Variants in INO80D observed in about 807,000 individuals in gnomAD.
The protein encoded by INO80D is INO80 complex subunit D.
In INO80D, 21 loss-of-function variants were observed where a neutral mutation model predicts 87.6. The observed-to-expected ratio is 0.24, with a 90% confidence interval of 0.17 to 0.35. The LOEUF is 0.35. Ranked by LOEUF, INO80D falls within the 10% of genes least tolerant of loss-of-function variation. The pLI is 1.00. For missense variants in INO80D, 982 were observed against 1,280.7 expected (o/e 0.77, Z 3.56); for synonymous variants, 440 against 491.0 (o/e 0.90, Z 1.37).
intron 5 of INO80D, among the ~76,000 whole-genome samples, chr2:206,043,225 G>A (rs1324080661): frequency 6.6e-6 from 1 of 151,952 alleles, no homozygotes; most frequent in East Asian, 1.9e-4. Context: ...AGGCTAGGGT[G>A]CAGTGGCACA....
Position 206,028,139 on chromosome 2 carries a change from G to T in INO80D, c.1270C>A (p.Leu424Met). 1.3e-6 allele frequency: 2 copies of T among 1,557,524 alleles called. No individual in the cohort carries two copies. The highest frequency in any genetic ancestry group is 1.7e-6 in the Non-Finnish European group (2 of 1,150,234). Residue 424 changes from leucine to methionine, a missense_variant, in exon 6 of 11, where the codon CTG (leucine) becomes ATG (methionine). Coordinates refer to ENST00000403263, the MANE Select transcript of INO80D (RefSeq NM_017759.5). Reference sequence around the variant, plus strand: ...GTTCGACTGCATGCAGCTCTCCGCAGTTCTTGTATTAACTGACCAGTGCAT... The same window carrying T: ...GTTCGACTGCATGCAGCTCTCCGCATTTCTTGTATTAACTGACCAGTGCAT... The part of the protein sequence containing the change: ...PECTGQLIQE[L>M]RRAACSRTSI...
At chr2:206,016,576 T>C (rs1688324132) in intron 8 of INO80D, among the ~76,000 whole-genome samples, 1 of 152,182 alleles carries the variant, frequency 6.6e-6, no homozygotes, top group Non-Finnish European at 1.5e-5. Flanking sequence ...AATGTGAAGG[T>C]ATTACAATGT....
intron 5 of INO80D, among the ~76,000 whole-genome samples, chr2:206,043,025 T>A (rs1359549641): frequency 6.6e-6 from 1 of 152,152 alleles, no homozygotes; most frequent in Non-Finnish European, 1.5e-5. Flanking sequence ...TACCAAAAAA[T>A]TCACAAAAAG....
chr2:206,044,271 G>A lies in INO80D; in HGVS notation c.1073+2233C>T, dbSNP rs117104042. Among the ~76,000 whole-genome samples the A allele has an allele frequency of 3.3e-5, 5 of 152,124 alleles. No homozygotes were observed. The East Asian group carries it at 9.7e-4, about 29-fold the overall frequency. ...GCAGAGTGGCAGATACAAATGTGGA[G>A]TTACAGGAATAGATGGGTGGGTAAA... On this transcript the variant is annotated intron_variant, in intron 5 of 10. Coordinates refer to ENST00000403263, the MANE Select transcript of INO80D (RefSeq NM_017759.5).
chr2:206,013,211 T>C (rs998962712), intron 8 of INO80D, among the ~76,000 whole-genome samples: 1 of 152,158 alleles, frequency 6.6e-6, no homozygotes, highest in African/African-American at 2.4e-5. Flanking sequence ...TTTAACTAGC[T>C]GAAAAGAATA....
At chr2:206,010,083 A>ACACACGCACG (rs142314785) in intron 8 of INO80D, among the ~76,000 whole-genome samples, 40 of 151,280 alleles carry the variant, frequency 2.6e-4, no homozygotes, top group Non-Finnish European at 2.8e-4. Flanking sequence ...ACACACACAC[A>ACACACGCACG]CACGCACACA....
chr2:206,082,443 A>G (rs572015183), intron 1 of INO80D, among the ~76,000 whole-genome samples: 39 of 152,366 alleles, frequency 2.6e-4, no homozygotes, highest in Non-Finnish European at 2.2e-4. Flanking sequence ...TTTCCTCAGT[A>G]TCTCAAACTA....
At position 205,996,557 on chromosome 2, in the gene INO80D, T is replaced by C. The variant is rs1301100077; in HGVS notation, c.*7811A>G. 1 of 152,082 alleles carries C rather than the reference T, an allele frequency of 6.6e-6. No homozygotes were observed. The highest frequency in any genetic ancestry group is 1.9e-4 in the East Asian group (1 of 5,200). The allele number at this position is 152,082 out of a possible 1,614,324, so 9.4% of individuals were successfully genotyped here. A position where few individuals can be genotyped will look rare whatever the true frequency, so the allele number is the denominator to read the frequency against. On this transcript the variant is annotated 3_prime_UTR_variant, in exon 11 of 11. Transcript: ENST00000403263. ...CAGAACTTTCCATAGACATTAATCT[T>C]GCTTAACAAAGGCTGTTTACCTATT... is the stretch of plus-strand genomic sequence containing the variant.
chr2:206,027,079 G>T (rs1187064408), intron 6 of INO80D, among the ~76,000 whole-genome samples: 3 of 152,136 alleles, frequency 2.0e-5, no homozygotes, highest in Non-Finnish European at 4.4e-5. Flanking sequence ...AAATAATACA[G>T]ATAACATGAT....
chr2:206,080,400 C>T (rs924965687), intron 1 of INO80D, among the ~76,000 whole-genome samples: 1 of 152,188 alleles, frequency 6.6e-6, no homozygotes, highest in African/African-American at 2.4e-5. Context: ...GGTGTACTTA[C>T]TATACCTTTA....
chr2:206,074,324 T>C (rs569697462), intron 1 of INO80D, among the ~76,000 whole-genome samples: 1 of 151,668 alleles, frequency 6.6e-6, no homozygotes, highest in South Asian at 2.1e-4. Flanking sequence ...AATTCAAGAG[T>C]AGGAAATAGC....
rs563938960 is a variant in INO80D, at chr2:206,000,682, A to G, written c.*3686T>C. 1 of 152,266 alleles carries G rather than the reference A, an allele frequency of 6.6e-6. No homozygotes were observed. The highest frequency in any genetic ancestry group is 2.4e-5 in the African/African-American group (1 of 41,534). 9.4% of individuals were successfully genotyped at this position (152,266 alleles called of 1,614,324 possible). ...AGAGCTTTAGTGTCAGTCACAGAAA[A>G]TGATGATTCTTAACTGCAGGTGAGA... On this transcript the variant is annotated 3_prime_UTR_variant, in exon 11 of 11. Transcript: ENST00000403263.
At chr2:206,060,848 C>A (rs905903194) in intron 3 of INO80D, among the ~76,000 whole-genome samples, 1 of 151,550 alleles carries the variant, frequency 6.6e-6, no homozygotes, top group Non-Finnish European at 1.5e-5. Context: ...GCGTGAGCCA[C>A]CGTGCCCGGC....
chr2:206,030,162 C>T (rs1182463675), intron 5 of INO80D, among the ~76,000 whole-genome samples: 1 of 152,188 alleles, frequency 6.6e-6, no homozygotes, highest in African/African-American at 2.4e-5. Flanking sequence ...TAAGGTGTTA[C>T]TGAAGTTCAC....
chr2:206,027,346 T>C (rs866346160), intron 6 of INO80D, among the ~76,000 whole-genome samples: 9 of 152,208 alleles, frequency 5.9e-5, no homozygotes, highest in Admixed American at 3.3e-4. Flanking sequence ...TAAAAAAAAT[T>C]CAATGTAATA....
Position 206,004,275 on chromosome 2 carries a change from AT to A in INO80D, c.*92del. ...TGCCCCTCTGATCCCCATCTGTTATATCTTCTTTAGGAAAAGGGGAGAGGGG... is the reference window on the plus strand; with the variant it reads ...TGCCCCTCTGATCCCCATCTGTTATACTTCTTTAGGAAAAGGGGAGAGGGG... On this transcript the variant is annotated 3_prime_UTR_variant, in exon 11 of 11. Transcript: ENST00000403263. This position sits in a 1 kb window ranked among gnomAD's most constrained non-coding sequence, Gnocchi z 4.9. 1 of 1,199,600 alleles carries A rather than the reference AT, an allele frequency of 8.3e-7. No homozygotes were observed. The highest frequency in any genetic ancestry group is 1.2e-6 in the Non-Finnish European group (1 of 850,252). The allele number at this position is 1,199,600 out of a possible 1,614,324, so 74.3% of individuals were successfully genotyped here.
chr2:206,005,294 G>C lies in INO80D; in HGVS notation c.2158C>G (p.Arg720Gly), dbSNP rs776202202. 2 of 1,613,828 alleles carry C rather than the reference G, an allele frequency of 1.2e-6. No individual in the cohort carries two copies. The highest frequency in any genetic ancestry group is 2.7e-5 in the African/African-American group (2 of 74,884). Residue 720 changes from arginine (R) to glycine (G), a missense_variant, in exon 11 of 11, where the codon CGT (arginine) becomes GGT (glycine). Arg to Gly is a moderately radical substitution (Grantham distance 125). Transcript: ENST00000403263. ...NTDLGELLNG[R>G]IVHDNFSSLE... Reference sequence around the variant, plus strand: ...CTAGAAAAATTATCATGTACTATACGCCCATTCAATAGCTCCCCTAGGTCT... The same window carrying C: ...CTAGAAAAATTATCATGTACTATACCCCCATTCAATAGCTCCCCTAGGTCT...
intron 3 of INO80D, among the ~76,000 whole-genome samples, chr2:206,060,402 G>A (rs927059865): frequency 6.6e-6 from 1 of 151,576 alleles, no homozygotes; most frequent in Non-Finnish European, 1.5e-5. Flanking sequence ...GCGTGGTAGT[G>A]TGCACCTGTA....
chr2:206,077,700 A>G (rs1369559530), intron 1 of INO80D, among the ~76,000 whole-genome samples: 1 of 152,186 alleles, frequency 6.6e-6, no homozygotes, highest in Non-Finnish European at 1.5e-5. Context: ...ACAAGAGGAA[A>G]GAAGAAAAAC....
Sources: allele counts gnomAD v4.1 joint callset (sites outside exome capture counted in the v4.1 genomes callset), GRCh38; gene constraint gnomAD v4.1.1; non-coding constraint Gnocchi (gnomAD v3.1); transcripts MANE v1.5; gene names NCBI Gene and HGNC (gene_info 2026-07-23, HGNC 2026-07-21).